LIN7A: variants seen among roughly 807,000 people sequenced by gnomAD.
LIN7A encodes the protein protein lin-7 homolog A.
LIN7A carries 25 observed loss-of-function variants against 29.8 expected under a neutral mutation model. That is an observed-to-expected ratio of 0.84 (90% CI 0.61 to 1.17). LIN7A has a LOEUF of 1.17. Ranked by LOEUF, LIN7A falls within the 50% of genes most tolerant of loss-of-function variation. LIN7A has a pLI of 0.00. For missense variants in LIN7A, 239 were observed against 287.0 expected, an observed-to-expected ratio of 0.83 and a Z score of 1.21; for synonymous variants, 118 against 107.5, an observed-to-expected ratio of 1.10 and a Z score of -0.60.
At chr12:80,799,125 T>C (rs1221731530) in intron 5 of LIN7A, among the ~76,000 whole-genome samples, 3 of 152,136 alleles carry the variant, frequency 2.0e-5, no homozygotes, top group Non-Finnish European at 4.4e-5. Context: ...AAGTCTTGGA[T>C]CTCTTCATCT....
intron 1 of LIN7A, 198 bp downstream of exon 1, chr12:80,937,443 G>C: frequency 2.5e-6 from 1 of 408,054 alleles, no homozygotes; most frequent in Non-Finnish European, 4.3e-6. Flanking sequence ...AGTACAGTGG[G>C]AAGGGGCAGC....
At chr12:80,809,577 A>G (rs1329387388) in intron 5 of LIN7A, among the ~76,000 whole-genome samples, 1 of 152,224 alleles carries the variant, frequency 6.6e-6, no homozygotes, top group East Asian at 1.9e-4. Flanking sequence ...GTTTCTGTAA[A>G]TGCAGTCATG....
At chr12:80,870,580 G>A (rs1457159084) in intron 2 of LIN7A, among the ~76,000 whole-genome samples, 1 of 152,144 alleles carries the variant, frequency 6.6e-6, no homozygotes, top group Non-Finnish European at 1.5e-5. Flanking sequence ...CTGAATAAAT[G>A]TTCCAAAGAT....
At position 80,915,946 on chromosome 12, in the gene LIN7A, A is replaced by T. The variant is rs531194480; in HGVS notation, c.82+21695T>A. On this transcript the variant is annotated intron_variant, in intron 1 of 5. Coordinates refer to ENST00000552864, the MANE Select transcript of LIN7A (RefSeq NM_004664.4). ...GGGTACTATGCTCACTGCCTGGGTG[A>T]TGGATTCATTCATATTTCAAATCTC... is the stretch of plus-strand genomic sequence containing the variant. Among the ~76,000 whole-genome samples the T allele has an allele frequency of 2.6e-5, 4 of 152,104 alleles. No homozygotes were observed. In the East Asian group the frequency reaches 7.7e-4, roughly 29 times the overall value.
At chr12:80,815,648 A>G (rs1447892598) in intron 4 of LIN7A, among the ~76,000 whole-genome samples, 1 of 152,196 alleles carries the variant, frequency 6.6e-6, no homozygotes, top group Non-Finnish European at 1.5e-5. Flanking sequence ...CCAGCTTCCT[A>G]CATAGGCTGA....
intron 1 of LIN7A, among the ~76,000 whole-genome samples, chr12:80,921,503 C>T (rs1308938815): frequency 7.5e-6 from 1 of 132,882 alleles, no homozygotes; most frequent in Non-Finnish European, 1.5e-5. Flanking sequence ...CCTTCTGGAT[C>T]TGTCTTCACA....
At chr12:80,912,490 C>T (rs534103259) in intron 1 of LIN7A, among the ~76,000 whole-genome samples, 9 of 151,858 alleles carry the variant, frequency 5.9e-5, no homozygotes, top group East Asian at 5.8e-4. Flanking sequence ...CTGAGGTGGG[C>T]GGATCACCTG....
chr12:80,925,610 T>C (rs985658608), intron 1 of LIN7A, among the ~76,000 whole-genome samples: 11 of 152,202 alleles, frequency 7.2e-5, no homozygotes, highest in South Asian at 2.1e-4. Context: ...TTTTCCGTTT[T>C]ACAGATAAGA....
At chr12:80,845,245 A>C (rs1036433536) in intron 4 of LIN7A, among the ~76,000 whole-genome samples, 9 of 151,960 alleles carry the variant, frequency 5.9e-5, no homozygotes, top group Admixed American at 3.3e-4. Context: ...TCAAAAAAAA[A>C]AAAAAAAAAA....
chr12:80,802,322 C>T (rs1870760996), intron 5 of LIN7A, among the ~76,000 whole-genome samples: 1 of 152,160 alleles, frequency 6.6e-6, no homozygotes, highest in Non-Finnish European at 1.5e-5. Context: ...GATTTCCCTC[C>T]CTTTTAAGGC....
chr12:80,893,770 C>T (rs1319092706), intron 1 of LIN7A, among the ~76,000 whole-genome samples: 2 of 152,172 alleles, frequency 1.3e-5, no homozygotes, highest in African/African-American at 4.8e-5. Flanking sequence ...CCCTCTCTGT[C>T]TGAGCAGAGG....
intron 1 of LIN7A, among the ~76,000 whole-genome samples, chr12:80,914,595 A>T (rs758880212): frequency 1.3e-5 from 2 of 152,198 alleles, no homozygotes; most frequent in Non-Finnish European, 2.9e-5. Context: ...GTTATCTTTC[A>T]TGACTTTCTT....
chr12:80,808,500 CTTT>C (rs1422403867), intron 5 of LIN7A, among the ~76,000 whole-genome samples: 1 of 147,882 alleles, frequency 6.8e-6, no homozygotes, highest in African/African-American at 2.5e-5. Context: ...TTTCTTTTTT[CTTT>C]TTTCTTTTTT....
intron 5 of LIN7A, among the ~76,000 whole-genome samples, chr12:80,809,842 A>G (rs1431652120): frequency 6.6e-6 from 1 of 152,178 alleles, no homozygotes; most frequent in Non-Finnish European, 1.5e-5. Context: ...GACACATTTT[A>G]TTTCTACTTT....
chr12:80,885,993 T>C (rs1875305378), intron 2 of LIN7A, among the ~76,000 whole-genome samples: 1 of 152,126 alleles, frequency 6.6e-6, no homozygotes, highest in African/African-American at 2.4e-5. Context: ...TGTTTTACAA[T>C]CTTGTTGGCA....
intron 4 of LIN7A, among the ~76,000 whole-genome samples, chr12:80,817,445 T>C (rs1304940211): frequency 4.6e-5 from 7 of 152,180 alleles, no homozygotes; most frequent in Admixed American, 3.3e-4. Flanking sequence ...TTGATCCAGT[T>C]TTCTGATGTG....
intron 1 of LIN7A, among the ~76,000 whole-genome samples, chr12:80,900,943 G>T (rs1214826714): frequency 6.6e-6 from 1 of 151,976 alleles, no homozygotes; most frequent in African/African-American, 2.4e-5. Flanking sequence ...AGAACCGAAG[G>T]GTATGACTTG....
At chr12:80,866,646 G>A (rs1874149143) in intron 2 of LIN7A, among the ~76,000 whole-genome samples, 1 of 152,134 alleles carries the variant, frequency 6.6e-6, no homozygotes, top group Non-Finnish European at 1.5e-5. Context: ...GCTGAGAGCT[G>A]GGCATTGAGA....
intron 4 of LIN7A, among the ~76,000 whole-genome samples, chr12:80,819,857 G>A (rs1213044885): frequency 6.6e-6 from 1 of 152,168 alleles, no homozygotes; most frequent in East Asian, 1.9e-4. Flanking sequence ...TGTTAATGGC[G>A]TTGCTTAGGG....
Sources: gnomAD v4.1 joint callset for allele counts (sites outside exome capture counted in the v4.1 genomes callset) on GRCh38, gnomAD v4.1.1 for gene constraint, MANE v1.5 for transcripts, NCBI Gene and HGNC (gene_info 2026-07-23, HGNC 2026-07-21) for gene names.